The following TEAD1 variants were observed in gnomAD, a reference collection of about 807,000 sequenced individuals.
The protein encoded by TEAD1 is TEA domain transcription factor 1.
TEAD1 carries 9 observed loss-of-function variants against 54.9 expected under a neutral mutation model. The ratio of observed to expected loss-of-function variants is 0.16; its 90% CI spans 0.10 to 0.29. TEAD1 has a LOEUF of 0.29. Among genes scored for constraint, TEAD1 ranks in the 10% least tolerant of loss-of-function variants. The probability of loss-of-function intolerance (pLI) is 1.00; values close to 1 mark genes in which losing one functional copy is unlikely to be tolerated. For synonymous variants in TEAD1, 200 were observed against 187.8 expected (o/e 1.07, Z -0.53); for missense variants, 387 against 535.9 (o/e 0.72, Z 2.74).
intron 3 of TEAD1, among the ~76,000 whole-genome samples, chr11:12,838,887 G>C (rs544779511): frequency 6.6e-6 from 1 of 152,220 alleles, no homozygotes; most frequent in East Asian, 1.9e-4. Flanking sequence ...TTTGCAATTA[G>C]GAAGCTTGGA....
At chr11:12,857,578 CTGTGTGTGTGTGTGTGTGTGTG>C (rs10694132) in intron 3 of TEAD1, among the ~76,000 whole-genome samples, 2 of 145,750 alleles carry the variant, frequency 1.4e-5, no homozygotes, top group Non-Finnish European at 3.0e-5. Flanking sequence ...CTCTCTGTCT[CTGTGTGTGTGTGTGTGTGTGTG>C]TGTGTGTGTG....
At chr11:12,711,576 C>T (rs1186741839) in intron 2 of TEAD1, among the ~76,000 whole-genome samples, 12 of 152,168 alleles carry the variant, frequency 7.9e-5, no homozygotes, top group Non-Finnish European at 2.9e-5. Flanking sequence ...TTGCTGTCAA[C>T]ATTGTTAGTC....
At chr11:12,928,968 C>T (rs1398893935) in intron 11 of TEAD1, among the ~76,000 whole-genome samples, 2 of 142,066 alleles carry the variant, frequency 1.4e-5, no homozygotes, top group South Asian at 2.5e-4. Context: ...CTTGAGCTTA[C>T]TTCTCCTAAC....
chr11:12,737,218 C>T (rs1476566537), intron 2 of TEAD1, among the ~76,000 whole-genome samples: 1 of 151,846 alleles, frequency 6.6e-6, no homozygotes, highest in African/African-American at 2.4e-5. Context: ...TCTTACCTAG[C>T]CCAAGTTAAA....
chr11:12,871,857 G>A (rs114701416), intron 5 of TEAD1, among the ~76,000 whole-genome samples: 1,681 of 152,248 alleles, frequency 0.011, 31 homozygotes, highest in African/African-American at 0.038. Context: ...ATGTATTCAC[G>A]TCAGGCTCTG....
At position 12,705,098 on chromosome 11, in the gene TEAD1, A is replaced by C. The variant is rs751654920; in HGVS notation, c.-55+29537A>C. Reference sequence around the variant, plus strand: ...ATGGAATGGGCTTGACAGCCATACTACTCTTAAAGCTGAACTTGTTGCTTG... The same window carrying C: ...ATGGAATGGGCTTGACAGCCATACTCCTCTTAAAGCTGAACTTGTTGCTTG... On this transcript the variant is annotated intron_variant, in intron 2 of 12. Transcript: ENST00000527636. 3.3e-5 allele frequency among the ~76,000 whole-genome samples: 5 copies of C among 152,142 alleles called. 1 individual carries two copies. The highest frequency in any genetic ancestry group is 7.4e-5 in the Non-Finnish European group (5 of 68,018).
At chr11:12,884,316 A>G (rs1948041847) in intron 9 of TEAD1, among the ~76,000 whole-genome samples, 1 of 152,176 alleles carries the variant, frequency 6.6e-6, no homozygotes, top group South Asian at 2.1e-4. Context: ...AGGAATCCTT[A>G]GTTTGTCTCT....
intron 3 of TEAD1, among the ~76,000 whole-genome samples, chr11:12,806,064 G>C (rs1232639848): frequency 6.6e-6 from 1 of 152,196 alleles, no homozygotes; most frequent in Non-Finnish European, 1.5e-5. Context: ...GAGGCAAAGA[G>C]TGTCAGTGGA....
At chr11:12,910,840 G>A (rs1282544299) in intron 10 of TEAD1, among the ~76,000 whole-genome samples, 8 of 149,056 alleles carry the variant, frequency 5.4e-5, no homozygotes, top group African/African-American at 1.5e-4. Context: ...TCTGCCTGTC[G>A]GGTTCAAGCG....
chr11:12,887,093 G>GTTT (rs1254187335), intron 9 of TEAD1, among the ~76,000 whole-genome samples: 1 of 9,460 alleles, frequency 1.1e-4, no homozygotes, highest in Non-Finnish European at 3.3e-4. Flanking sequence ...TTTTTTTTTT[G>GTTT]TTTGTTTTTT....
intron 3 of TEAD1, among the ~76,000 whole-genome samples, chr11:12,827,826 A>T (rs981292758): frequency 2.0e-5 from 3 of 152,204 alleles, no homozygotes; most frequent in Admixed American, 1.3e-4. Flanking sequence ...CCCTCTACTC[A>T]TACTCTCTGG....
chr11:12,885,381 G>T (rs1043985365), intron 9 of TEAD1, among the ~76,000 whole-genome samples: 3 of 151,482 alleles, frequency 2.0e-5, no homozygotes, highest in South Asian at 2.1e-4. Context: ...GACTACAGGC[G>T]CCCGCCACTA....
chr11:12,775,363 A>G (rs1403708691), intron 3 of TEAD1, among the ~76,000 whole-genome samples: 1 of 152,126 alleles, frequency 6.6e-6, no homozygotes, highest in Non-Finnish European at 1.5e-5. Flanking sequence ...GAGTGGGTGG[A>G]CATTTGTGTT....
At chr11:12,835,993 T>A (rs2134024700) in intron 3 of TEAD1, among the ~76,000 whole-genome samples, 1 of 152,280 alleles carries the variant, frequency 6.6e-6, no homozygotes, top group Non-Finnish European at 1.5e-5. Context: ...AATGTTCTCG[T>A]CACAAAGAAA....
At chr11:12,914,721 C>T (rs766875973) in intron 10 of TEAD1, among the ~76,000 whole-genome samples, 47 of 152,264 alleles carry the variant, frequency 3.1e-4, no homozygotes, top group Non-Finnish European at 5.0e-4. Context: ...GCAGTGCTGC[C>T]TCTAGGGGCA....
At chr11:12,760,165 G>A (rs1945072255) in intron 2 of TEAD1, among the ~76,000 whole-genome samples, 1 of 152,150 alleles carries the variant, frequency 6.6e-6, no homozygotes, top group African/African-American at 2.4e-5. Context: ...ACATAGCATT[G>A]TCTAGAGAGG....
At chr11:12,807,910 A>G (rs991721611) in intron 3 of TEAD1, among the ~76,000 whole-genome samples, 3 of 152,064 alleles carry the variant, frequency 2.0e-5, no homozygotes, top group Non-Finnish European at 2.9e-5. Flanking sequence ...GGTAGTCCTT[A>G]CTCATCTCTG....
chr11:12,845,862 G>A (rs568788678), intron 3 of TEAD1, among the ~76,000 whole-genome samples: 5 of 152,310 alleles, frequency 3.3e-5, no homozygotes, highest in Admixed American at 3.3e-4. Context: ...GCTGTGCCCC[G>A]CTCATGTTCA....
At chr11:12,780,178 A>G (rs1013348526) in intron 3 of TEAD1, among the ~76,000 whole-genome samples, 1 of 152,186 alleles carries the variant, frequency 6.6e-6, no homozygotes, top group African/African-American at 2.4e-5. Context: ...TAAAGTTCAT[A>G]AACAATTGTA....
Sources: gnomAD v4.1 joint callset for allele counts (sites outside exome capture counted in the v4.1 genomes callset) on GRCh38, gnomAD v4.1.1 for gene constraint, MANE v1.5 for transcripts, NCBI Gene and HGNC (gene_info 2026-07-23, HGNC 2026-07-21) for gene names.